Variants in SYT16 observed in about 807,000 individuals in gnomAD.
SYT16 encodes synaptotagmin-16.
In SYT16, 42 loss-of-function variants were observed where a neutral mutation model predicts 61.4. The ratio of observed to expected loss-of-function variants is 0.68; its 90% confidence interval spans 0.53 to 0.89. The LOEUF (loss-of-function observed/expected upper bound fraction) is 0.89, where lower values mean the gene tolerates loss of function less well. Ranked by LOEUF, SYT16 falls within the 40% of genes least tolerant of loss-of-function variation. The pLI, the probability that SYT16 is intolerant of heterozygous loss-of-function variation, is 0.00. For synonymous variants in SYT16, 314 were observed against 302.3 expected (o/e 1.04, Z -0.40); for missense variants, 804 against 807.3 (o/e 1.00, Z 0.05).
intron 1 of SYT16, among the ~76,000 whole-genome samples, chr14:61,833,333 C>T (rs1327304479): frequency 1.4e-5 from 2 of 146,438 alleles, no homozygotes; most frequent in Non-Finnish European, 3.0e-5. Flanking sequence ...GTTCTTGTTG[C>T]CCAGACTGGA....
intron 1 of SYT16, among the ~76,000 whole-genome samples, chr14:61,889,917 C>T (rs947601482): frequency 6.6e-6 from 1 of 151,748 alleles, no homozygotes; most frequent in African/African-American, 2.4e-5. Flanking sequence ...GAGAGAGAAC[C>T]CCAAGGTCAG....
chr14:61,999,954 T>G (rs538070109), intron 3 of SYT16, among the ~76,000 whole-genome samples: 13 of 151,760 alleles, frequency 8.6e-5, no homozygotes, highest in Non-Finnish European at 1.6e-4. Flanking sequence ...AATTAAGGTT[T>G]GTTTTATTAC....
chr14:61,818,016 G>A (rs2045496248), intron 1 of SYT16, among the ~76,000 whole-genome samples: 2 of 152,160 alleles, frequency 1.3e-5, no homozygotes. Flanking sequence ...AAAGCACTGA[G>A]CTATTAATCT....
intron 1 of SYT16, among the ~76,000 whole-genome samples, chr14:61,968,192 C>T (rs991827451): frequency 6.6e-6 from 1 of 151,874 alleles, no homozygotes; most frequent in African/African-American, 2.4e-5. Context: ...ACTCAGGAGG[C>T]GGAGGTTGCA....
At chr14:62,012,838 A>T (rs967533196) in intron 3 of SYT16, among the ~76,000 whole-genome samples, 1 of 152,238 alleles carries the variant, frequency 6.6e-6, no homozygotes, top group African/African-American at 2.4e-5. Flanking sequence ...AGCTAAATCT[A>T]TATATTTGAA....
At chr14:62,033,456 C>G (rs1380166238) in intron 3 of SYT16, among the ~76,000 whole-genome samples, 5 of 152,048 alleles carry the variant, frequency 3.3e-5, no homozygotes, top group Non-Finnish European at 7.4e-5. Context: ...GGATACCTCA[C>G]TTTTTAATTT....
chr14:62,109,188 C>G lies in SYT16; in HGVS notation c.*8481C>G, dbSNP rs962226020. ...TCCTCTGTGCTCTGCCTATTCATTC[C>G]TCCCTCCCACCTAAGCCCTGGCATC... On this transcript the variant is annotated 3_prime_UTR_variant, in exon 8 of 8. Transcript: ENST00000683842. The G allele has an allele frequency of 6.6e-6, 1 of 152,098 alleles. No homozygotes were observed. Among genetic ancestry groups the G allele is most frequent in the Non-Finnish European group, 1.5e-5 (1 of 68,028 alleles). The allele number at this position is 152,098 out of a possible 1,614,324, so 9.4% of individuals were successfully genotyped here.
At chr14:62,005,784 G>C (rs572419776) in intron 3 of SYT16, among the ~76,000 whole-genome samples, 15 of 152,142 alleles carry the variant, frequency 9.9e-5, no homozygotes, top group Non-Finnish European at 1.3e-4. Context: ...GAACAGACAA[G>C]TATACACAAG....
intron 7 of SYT16, among the ~76,000 whole-genome samples, chr14:62,097,044 T>C (rs1303300490): frequency 6.6e-6 from 1 of 152,110 alleles, no homozygotes; most frequent in Non-Finnish European, 1.5e-5. Context: ...TCGTAGAAAA[T>C]TATGCTGTAA....
intron 1 of SYT16, among the ~76,000 whole-genome samples, chr14:61,935,582 A>G (rs1042246141): frequency 6.6e-6 from 1 of 152,070 alleles, no homozygotes; most frequent in Non-Finnish European, 1.5e-5. Flanking sequence ...AAACCGATCT[A>G]GTTGTTGGGG....
At chr14:62,098,771 G>A (rs1207386345) in intron 7 of SYT16, among the ~76,000 whole-genome samples, 3 of 152,182 alleles carry the variant, frequency 2.0e-5, no homozygotes, top group South Asian at 2.1e-4. Context: ...AATAGGCAGC[G>A]ATAATACTGG....
chr14:61,950,835 G>T (rs1313792878), intron 1 of SYT16, among the ~76,000 whole-genome samples: 1 of 152,206 alleles, frequency 6.6e-6, no homozygotes, highest in African/African-American at 2.4e-5. Flanking sequence ...AATACTTCTA[G>T]TAGAGAAATC....
rs183276660 is a variant in SYT16 at position 61,856,593 on chromosome 14, G to A, written c.-325+43783G>A. ...GACTGTGGAAGGAGCGGGTTTGGGC[G>A]GGTGAGGGTTGGGGATGAGTGGAGA... On this transcript the variant is annotated intron_variant, in intron 1 of 7. Coordinates refer to ENST00000683842, the MANE Select transcript of SYT16 (RefSeq NM_001367656.1). Among the ~76,000 whole-genome samples the A allele has an allele frequency of 4.6e-5, 7 of 152,212 alleles. No homozygotes were observed. The East Asian group carries it at 5.8e-4, about 13-fold the overall frequency.
chr14:61,957,313 C>G (rs905138098), intron 1 of SYT16, among the ~76,000 whole-genome samples: 6 of 151,826 alleles, frequency 4.0e-5, no homozygotes, highest in African/African-American at 1.4e-4. Context: ...ATTTCTTTAT[C>G]TTGCCTAATT....
intron 1 of SYT16, among the ~76,000 whole-genome samples, chr14:61,885,379 TATGATGATG>T (rs61541645): frequency 8.6e-5 from 13 of 151,022 alleles, no homozygotes; most frequent in East Asian, 1.9e-4. Context: ...GCATGGCAGA[TATGATGATG>T]ATGATGATGA....
At chr14:61,939,551 C>T (rs948140422) in intron 1 of SYT16, among the ~76,000 whole-genome samples, 1 of 152,228 alleles carries the variant, frequency 6.6e-6, no homozygotes, top group African/African-American at 2.4e-5. Context: ...CTTCTGTCTT[C>T]ATACGATCTT....
At chr14:61,881,949 A>G (rs377472860) in intron 1 of SYT16, among the ~76,000 whole-genome samples, 25 of 152,282 alleles carry the variant, frequency 1.6e-4, no homozygotes, top group African/African-American at 5.8e-4. Context: ...TGACCATGCT[A>G]CTGCCTGCAT....
chr14:61,922,722 A>G (rs1163305588), intron 1 of SYT16, among the ~76,000 whole-genome samples: 1 of 152,190 alleles, frequency 6.6e-6, no homozygotes, highest in Non-Finnish European at 1.5e-5. Context: ...ATAAATTTGC[A>G]TGGGTAGCAA....
chr14:61,822,043 G>A (rs2045634565), intron 1 of SYT16, among the ~76,000 whole-genome samples: 1 of 152,186 alleles, frequency 6.6e-6, no homozygotes, highest in African/African-American at 2.4e-5. Flanking sequence ...CATAGGTCAT[G>A]AGCAAGCTGC....
Sources: allele counts gnomAD v4.1 joint callset (sites outside exome capture counted in the v4.1 genomes callset), GRCh38; gene constraint gnomAD v4.1.1; transcripts MANE v1.5; gene names NCBI Gene and HGNC (gene_info 2026-07-23, HGNC 2026-07-21).